The following GCAT variants were observed in gnomAD, a reference collection of about 807,000 sequenced individuals.
GCAT encodes the protein glycine C-acetyltransferase.
Under a neutral mutation model 39.7 loss-of-function variants are expected in GCAT, and 26 were observed. The ratio of observed to expected loss-of-function variants is 0.65; its 90% CI spans 0.48 to 0.91. The LOEUF (loss-of-function observed/expected upper bound fraction) is 0.91, where lower values mean the gene tolerates loss of function less well. Ranked by LOEUF, GCAT falls within the 40% of genes least tolerant of loss-of-function variation. The pLI is 0.00. For synonymous variants in GCAT, 218 were observed against 237.2 expected (o/e 0.92, Z 0.74); for missense variants, 550 against 576.2 (o/e 0.95, Z 0.47).
chr22:37,813,342 G>C, intron 3 of GCAT, 121 bp from the exon 4 acceptor site: 1 of 1,093,450 alleles, frequency 9.1e-7, no homozygotes, highest in Non-Finnish European at 1.4e-6. Context: ...AGAACACCTT[G>C]CCTCTCTACC....
At chr22:37,813,351 C>T (rs931855485) in intron 3 of GCAT, 112 bp from the exon 4 acceptor site, 3 of 1,214,910 alleles carry the variant, frequency 2.5e-6, no homozygotes, top group South Asian at 2.6e-5. Flanking sequence ...TGCCTCTCTA[C>T]CCAGAGGAGC....
Position 37,815,184 on chromosome 22 carries a change from C to T in GCAT, c.635C>T (p.Ala212Val). The T allele has an allele frequency of 1.9e-6, 3 of 1,614,068 alleles. No homozygotes were observed. In the African/African-American group the frequency reaches 4.0e-5, roughly 22 times the overall value. ...DGAFSMDGDI[A>V]PLQEICCLAS... is the part of the protein sequence containing the mutation. The stretch of plus-strand genomic sequence containing the variant: ...GCCTTTTCCATGGATGGCGACATCG[C>T]ACCCCTGCAGGAGATCTGCTGCCTC... Residue 212 changes from alanine to valine, a missense_variant, in exon 5 of 9, where the codon GCA (alanine) becomes GTA (valine). Ala to Val is a moderately conservative substitution (Grantham distance 64). This residue lies in a region of GCAT where 378 missense variants were observed against 390.4 expected (regional missense o/e 0.97). Transcript: ENST00000248924.
At chr22:37,814,897 T>C (rs1303942053) in intron 4 of GCAT, among the ~76,000 whole-genome samples, 2 of 152,188 alleles carry the variant, frequency 1.3e-5, no homozygotes, top group African/African-American at 4.8e-5. Context: ...CACAGGAGAC[T>C]GAGATGTGAG....
chr22:37,813,377 A>G (rs748075631), intron 3 of GCAT, 86 bp from the exon 4 acceptor site: 14 of 1,408,320 alleles, frequency 9.9e-6, no homozygotes, highest in Middle Eastern at 1.7e-4. Flanking sequence ...GGCTGGCAGT[A>G]CAGTTTTTTG....
At chr22:37,811,193 T>C (rs1601695385) in intron 2 of GCAT, among the ~76,000 whole-genome samples, 1 of 152,100 alleles carries the variant, frequency 6.6e-6, no homozygotes, top group African/African-American at 2.4e-5. Context: ...CATGTAATGC[T>C]TAGAATAGGC....
chr22:37,810,176 G>A lies in GCAT; in HGVS notation c.327+19G>A. 3.8e-6 allele frequency: 6 copies of A among 1,567,942 alleles called. No homozygotes were observed. The South Asian group carries it at 6.7e-5, about 17-fold the overall frequency. On this transcript the variant is annotated intron_variant, in intron 2 of 8. Coordinates refer to ENST00000248924, the MANE Select transcript of GCAT (RefSeq NM_014291.4). ...AACCCAGGTACACAGTGAGTGGTGG[G>A]GGGTTGTGGGGACTGACCCCAGCTG...
Position 37,816,204 on chromosome 22 carries a change from C to T in GCAT, c.991C>T (p.Arg331Cys), listed in dbSNP as rs780863430. The T allele has an allele frequency of 2.5e-5, 41 of 1,613,018 alleles. No homozygotes were observed. Among genetic ancestry groups the T allele is most frequent in the Admixed American group, 6.7e-5 (4 of 59,958 alleles). ...QSMAAKTQRF[R>C]SKMEAAGFTI... ...TGTGACACCTTGTGCCCACAGGTTC[C>T]GTAGTAAGATGGAAGCTGCTGGCTT... Residue 331 changes from arginine (R) to cysteine (C), a missense_variant, in exon 8 of 9, where the codon CGT becomes TGT. Coordinates refer to ENST00000248924, the MANE Select transcript of GCAT (RefSeq NM_014291.4).
At chr22:37,810,572 G>A (rs949275295) in intron 2 of GCAT, among the ~76,000 whole-genome samples, 12 of 146,218 alleles carry the variant, frequency 8.2e-5, no homozygotes, top group African/African-American at 2.0e-4. Context: ...GCTGGAGTGC[G>A]GTGGCATGAT....
rs191066758 is a variant in GCAT, at chr22:37,815,652, C to T, written c.815-11C>T. The T allele has an allele frequency of 5.5e-5, 89 of 1,603,682 alleles. 1 individual carries two copies. The East Asian group carries it at 1.6e-3, about 29-fold the overall frequency. ...ACCAACCCCTCCCCCCACCTCTTCC[C>T]TTCTTCTCAGGGGGCTACACGACAG... On this transcript the variant is annotated splice_polypyrimidine_tract_variant and intron_variant, in intron 6 of 8. Transcript: ENST00000248924.
At position 37,816,084 on chromosome 22, in the gene GCAT, T is replaced by C. The variant is rs553214028; in HGVS notation, c.987-116T>C. 9 of 1,299,418 alleles carry C rather than the reference T, an allele frequency of 6.9e-6. No homozygotes were observed. The African/African-American group carries it at 1.2e-4, about 17-fold the overall frequency. 80.5% of individuals were successfully genotyped at this position (1,299,418 alleles called of 1,614,324 possible). ...CCCTCTGCCTCTTAGAGCTTGTAAC[T>C]GTCTTTGTTGATCCTTCTTGCAGAC... On this transcript the variant is annotated intron_variant, in intron 7 of 8. Transcript: ENST00000248924.
chr22:37,815,864 G>A, intron 7 of GCAT, 30 bp downstream of exon 7: 2 of 1,610,736 alleles, frequency 1.2e-6, no homozygotes, highest in Non-Finnish European at 1.7e-6. Flanking sequence ...AGGCTCGGGG[G>A]CGGAGAGACG....
At position 37,815,982 on chromosome 22, in the gene GCAT, T is replaced by G. The variant is rs1922146810; in HGVS notation, c.986+148T>G. The stretch of plus-strand genomic sequence containing the variant: ...CTTCTCTCTGTCCCTGCCTCTCCCC[T>G]CTAGCTTCTGTGTCTCCTTCTTATC... On this transcript the variant is annotated intron_variant, in intron 7 of 8. Transcript: ENST00000248924. 3.8e-5 allele frequency: 38 copies of G among 998,192 alleles called. No homozygotes were observed. In the South Asian group the frequency reaches 5.7e-4, roughly 15 times the overall value. 61.8% of individuals were successfully genotyped at this position (998,192 alleles called of 1,614,324 possible). A position where few individuals can be genotyped will look rare whatever the true frequency, so the allele number is the denominator to read the frequency against.
intron 3 of GCAT, chr22:37,813,218 A>G (rs1460287900): frequency 1.2e-5 from 8 of 654,680 alleles, no homozygotes; most frequent in Non-Finnish European, 2.2e-5. Flanking sequence ...ATCAGCTGGA[A>G]GGCTGGGGGA....
chr22:37,816,139 C>A, intron 7 of GCAT, 61 bp from the exon 8 acceptor site: 1 of 1,580,380 alleles, frequency 6.3e-7, no homozygotes. Context: ...CTGGTCCCTG[C>A]AAGGAGCGGG....
Position 37,815,191 on chromosome 22 carries a change from G to A in GCAT, c.642G>A (p.Leu214=). Residue 214 remains leucine, a synonymous_variant, in exon 5 of 9, where the codon CTG becomes CTA. Coordinates refer to ENST00000248924, the MANE Select transcript of GCAT (RefSeq NM_014291.4). ...AFSMDGDIAP[L]QEICCLASRY... Reference sequence around the variant, plus strand: ...CCATGGATGGCGACATCGCACCCCTGCAGGAGATCTGCTGCCTCGCCTCTA... The same window carrying A: ...CCATGGATGGCGACATCGCACCCCTACAGGAGATCTGCTGCCTCGCCTCTA... 1.9e-6 allele frequency: 3 copies of A among 1,614,044 alleles called. No individual in the cohort carries two copies. The highest frequency in any genetic ancestry group is 1.3e-5 in the African/African-American group (1 of 75,062).
chr22:37,809,982 T>C (rs2285178), intron 1 of GCAT, 45 bp from the exon 2 acceptor site: 486,286 of 1,605,624 alleles, frequency 0.3, 75,902 homozygotes, highest in East Asian at 0.36. Flanking sequence ...GGCCTGCCCT[T>C]GCCCCACCTG....
rs1922109094 is a variant in GCAT, at chr22:37,815,735, A to G, written c.887A>G (p.Asn296Ser). 4 of 1,613,716 alleles carry G rather than the reference A, an allele frequency of 2.5e-6. No homozygotes were observed. The highest frequency in any genetic ancestry group is 1.7e-4 in the Middle Eastern group (1 of 6,052). Residue 296 changes from asparagine to serine, a missense_variant, in exon 7 of 9, where the codon AAC becomes AGC. By Grantham distance (46) the Asn-to-Ser change is conservative. Transcript: ENST00000248924. Reference protein sequence around the residue: ...RQRARPYLFSNSLPPAVVGCA... With the variant: ...RQRARPYLFSSSLPPAVVGCA... ...CGCGCCCGGCCATACCTCTTCTCCA[A>G]CAGTCTGCCACCTGCTGTCGTTGGC... is the stretch of plus-strand genomic sequence containing the variant.
chr22:37,811,500 A>G, intron 2 of GCAT, among the ~76,000 whole-genome samples: 1 of 151,734 alleles, frequency 6.6e-6, no homozygotes, highest in Non-Finnish European at 1.5e-5. Context: ...AAAAAAAAAA[A>G]AAAGCATAGA....
intron 4 of GCAT, among the ~76,000 whole-genome samples, chr22:37,814,581 A>G (rs1921953632): frequency 6.6e-6 from 1 of 151,890 alleles, no homozygotes; most frequent in Non-Finnish European, 1.5e-5. Context: ...TGTTTTTGAG[A>G]CAGGGTCTCA....
Sources: allele counts gnomAD v4.1 joint callset (sites outside exome capture counted in the v4.1 genomes callset), GRCh38; gene constraint gnomAD v4.1.1; regional missense constraint gnomAD v4.1.1; transcripts MANE v1.5; gene names NCBI Gene and HGNC (gene_info 2026-07-23, HGNC 2026-07-21).